PPARGC1B: variants seen among roughly 807,000 people sequenced by gnomAD.
PPARGC1B encodes the protein PPARG coactivator 1 beta.
A neutral mutation model predicts 101.6 loss-of-function variants in PPARGC1B; 34 were observed. That is an observed-to-expected ratio of 0.33 (90% CI 0.25 to 0.45). The LOEUF (loss-of-function observed/expected upper bound fraction) is 0.45, where lower values mean the gene tolerates loss of function less well. Among genes scored for constraint, PPARGC1B ranks in the 20% least tolerant of loss-of-function variants. The pLI, the probability that PPARGC1B is intolerant of heterozygous loss-of-function variation, is 1.00. For synonymous variants in PPARGC1B, 548 were observed against 539.3 expected (o/e 1.02, Z -0.22); for missense variants, 1,234 against 1,317.6 (o/e 0.94, Z 0.98).
chr5:149,836,686 A>T lies in PPARGC1B; in HGVS notation c.2231A>T (p.Asp744Val). The stretch of plus-strand genomic sequence containing the variant: ...GGCAGGGAGGAAGACAGAAGCTGTG[A>T]TGCTGGCGCCCCACCCAAGGACAGC... Reference protein sequence around the residue: ...APGREEDRSCDAGAPPKDSTL... With the variant: ...APGREEDRSCVAGAPPKDSTL... Residue 744 changes from aspartate (D) to valine (V), a missense_variant, in exon 8 of 12, where the codon GAT becomes GTT. Asp to Val is a radical substitution (Grantham distance 152). Around this residue, in one of 3 missense-constraint regions of PPARGC1B, gnomAD observed 497 missense variants for 529.5 expected, o/e 0.94. Coordinates refer to ENST00000309241, the MANE Select transcript of PPARGC1B (RefSeq NM_133263.4). 1.2e-6 allele frequency: 2 copies of T among 1,613,710 alleles called. No individual in the cohort carries two copies. The highest frequency in any genetic ancestry group is 1.7e-5 in the Admixed American group (1 of 60,028).
intron 1 of PPARGC1B, among the ~76,000 whole-genome samples, chr5:149,742,302 C>T (rs1754940337): frequency 1.3e-5 from 2 of 152,202 alleles, no homozygotes; most frequent in Admixed American, 1.3e-4. Flanking sequence ...CCCATCTGCA[C>T]CTGCACACTG....
intron 1 of PPARGC1B, among the ~76,000 whole-genome samples, chr5:149,759,808 C>T (rs1295187157): frequency 1.3e-5 from 2 of 152,162 alleles, no homozygotes; most frequent in South Asian, 2.1e-4. Context: ...CCAAGAGCCC[C>T]CTGGGCCAGG....
chr5:149,754,155 T>C (rs1274413965), intron 1 of PPARGC1B, among the ~76,000 whole-genome samples: 6 of 152,260 alleles, frequency 3.9e-5, no homozygotes, highest in Non-Finnish European at 7.3e-5. Context: ...ATCTGGAGTC[T>C]CTGAAGTTTT....
intron 1 of PPARGC1B, among the ~76,000 whole-genome samples, chr5:149,797,734 A>G (rs1274532082): frequency 6.6e-6 from 1 of 152,190 alleles, no homozygotes; most frequent in East Asian, 1.9e-4. Flanking sequence ...CAGCCTGGCC[A>G]ACATGGTGAA....
chr5:149,835,028 G>A (rs1320407209), intron 6 of PPARGC1B, among the ~76,000 whole-genome samples: 1 of 152,216 alleles, frequency 6.6e-6, no homozygotes, highest in Admixed American at 6.5e-5. Context: ...GGCCTCGGTT[G>A]CTCCCTCTAT....
At chr5:149,735,335 C>T (rs1199902260) in intron 1 of PPARGC1B, among the ~76,000 whole-genome samples, 1 of 152,142 alleles carries the variant, frequency 6.6e-6, no homozygotes, top group African/African-American at 2.4e-5. Context: ...CTTAGCAGCT[C>T]GTGCAGGCCA....
intron 1 of PPARGC1B, among the ~76,000 whole-genome samples, chr5:149,736,400 A>G (rs377461472): frequency 2.7e-4 from 41 of 151,940 alleles, no homozygotes; most frequent in African/African-American, 9.7e-4. Flanking sequence ...AGAGAAGCAT[A>G]ATTCTTATTA....
chr5:149,822,352 G>A (rs1326876270), intron 2 of PPARGC1B, among the ~76,000 whole-genome samples: 1 of 152,154 alleles, frequency 6.6e-6, no homozygotes, highest in East Asian at 1.9e-4. Flanking sequence ...AAGGAAGACA[G>A]TCCTCACAGC....
chr5:149,854,039 T>A lies in PPARGC1B; in HGVS notation c.*6481T>A, dbSNP rs2113471738. The A allele has an allele frequency of 6.6e-6, 1 of 152,350 alleles. No individual in the cohort carries two copies. The highest frequency in any genetic ancestry group is 1.5e-5 in the Non-Finnish European group (1 of 68,044). The allele number at this position is 152,350 out of a possible 1,614,324, so 9.4% of individuals were successfully genotyped here. A position where few individuals can be genotyped will look rare whatever the true frequency, so the allele number is the denominator to read the frequency against. On this transcript the variant is annotated 3_prime_UTR_variant, in exon 12 of 12. Coordinates refer to ENST00000309241, the MANE Select transcript of PPARGC1B (RefSeq NM_133263.4). ...ACCCCAGGTTTCTAAAGAAGGTGTC[T>A]GTAGCCAGCCTTAATCAACTGGGCA...
At chr5:149,857,817 C>T (rs1759995781), downstream of PPARGC1B, 1 of 152,238 alleles carries the variant, frequency 6.6e-6, no homozygotes, top group East Asian at 1.9e-4. Flanking sequence ...CCTTCAATTT[C>T]CTCATGTGTC....
chr5:149,855,975 G>A (rs555933426), downstream of PPARGC1B, among the ~76,000 whole-genome samples: 4 of 152,220 alleles, frequency 2.6e-5, no homozygotes, highest in African/African-American at 7.2e-5. Flanking sequence ...AAATTAGCCC[G>A]GCGTGGTGAG....
intron 1 of PPARGC1B, among the ~76,000 whole-genome samples, chr5:149,761,036 A>G (rs1755698324): frequency 6.6e-6 from 1 of 152,166 alleles, no homozygotes; most frequent in African/African-American, 2.4e-5. Context: ...CCCACACTCC[A>G]TAGTGCAGAC....
At chr5:149,802,732 A>G (rs1757469523) in intron 1 of PPARGC1B, among the ~76,000 whole-genome samples, 1 of 151,932 alleles carries the variant, frequency 6.6e-6, no homozygotes, top group Admixed American at 6.6e-5. Context: ...CCATGGTCAC[A>G]TGATAAGGAT....
chr5:149,826,527 G>C (rs958410371), intron 2 of PPARGC1B, 146 bp from the exon 3 acceptor site: 2 of 652,112 alleles, frequency 3.1e-6, no homozygotes, highest in East Asian at 5.3e-5. Flanking sequence ...GCTCTGCTGG[G>C]TGGGCAGAGG....
chr5:149,769,437 C>T (rs1756039585), intron 1 of PPARGC1B, among the ~76,000 whole-genome samples: 1 of 152,198 alleles, frequency 6.6e-6, no homozygotes, highest in Non-Finnish European at 1.5e-5. Flanking sequence ...CGGAGCCAGG[C>T]GTCAGGAGGC....
At chr5:149,776,205 T>C (rs576542360) in intron 1 of PPARGC1B, among the ~76,000 whole-genome samples, 2 of 152,260 alleles carry the variant, frequency 1.3e-5, no homozygotes, top group South Asian at 2.1e-4. Flanking sequence ...TGAAAGAACA[T>C]TGGACTGGGA....
At chr5:149,820,329 C>A in intron 1 of PPARGC1B, 104 bp from the exon 2 acceptor site, 1 of 1,133,850 alleles carries the variant, frequency 8.8e-7, no homozygotes, top group Non-Finnish European at 1.3e-6. Context: ...CAAAATCGGG[C>A]CTTGGCCACG....
At chr5:149,814,030 A>G (rs971271719) in intron 1 of PPARGC1B, among the ~76,000 whole-genome samples, 1 of 152,208 alleles carries the variant, frequency 6.6e-6, no homozygotes, top group East Asian at 1.9e-4. Context: ...TTGCGGGATC[A>G]CAAACATTCA....
intron 11 of PPARGC1B, chr5:149,846,350 T>C (rs1270537048): frequency 3.9e-6 from 1 of 254,862 alleles, no homozygotes; most frequent in Non-Finnish European, 7.4e-6. Context: ...AAAGAATTAC[T>C]TGGCCAGGCT....
Sources: gnomAD v4.1 joint callset for allele counts (sites outside exome capture counted in the v4.1 genomes callset) on GRCh38, gnomAD v4.1.1 for gene constraint, gnomAD v4.1.1 regional missense constraint, MANE v1.5 for transcripts, NCBI Gene and HGNC (gene_info 2026-07-23, HGNC 2026-07-21) for gene names.